Variants in TBC1D12 observed in about 807,000 individuals in gnomAD.
TBC1D12 encodes the protein TBC1 domain family member 12.
A neutral mutation model predicts 86.7 loss-of-function variants in TBC1D12; 56 were observed. That is an observed-to-expected ratio of 0.65 (90% CI 0.52 to 0.81). TBC1D12 has a LOEUF of 0.81. Ranked by LOEUF, TBC1D12 falls within the 30% of genes least tolerant of loss-of-function variation. The pLI, the probability that TBC1D12 is intolerant of heterozygous loss-of-function variation, is 0.00. For missense variants in TBC1D12, 1,023 were observed against 1,038.8 expected, an observed-to-expected ratio of 0.98 and a Z score of 0.21; for synonymous variants, 421 against 411.7, an observed-to-expected ratio of 1.02 and a Z score of -0.27.
At chr10:94,483,147 C>G (rs1319579897) in intron 3 of TBC1D12, among the ~76,000 whole-genome samples, 1 of 146,908 alleles carries the variant, frequency 6.8e-6, no homozygotes, top group Non-Finnish European at 1.5e-5. Context: ...ACCACATTTT[C>G]TTTACCCACT....
At chr10:94,493,333 A>G in intron 3 of TBC1D12, 32 bp from the exon 4 acceptor site, 2 of 1,538,962 alleles carry the variant, frequency 1.3e-6, no homozygotes, top group Non-Finnish European at 1.8e-6. Context: ...TCTTTTAAAA[A>G]TTGTCTTGAC....
chr10:94,464,251 T>C (rs2055773665), intron 2 of TBC1D12, among the ~76,000 whole-genome samples: 1 of 152,214 alleles, frequency 6.6e-6, no homozygotes, highest in Non-Finnish European at 1.5e-5. Flanking sequence ...ATTGATATGA[T>C]CAGATTTAAA....
chr10:94,452,769 G>A (rs1410000179), intron 2 of TBC1D12, among the ~76,000 whole-genome samples: 1 of 152,088 alleles, frequency 6.6e-6, no homozygotes, highest in African/African-American at 2.4e-5. Context: ...TTTTTGTGTG[G>A]TTTTATGTTT....
intron 2 of TBC1D12, among the ~76,000 whole-genome samples, chr10:94,445,987 A>C (rs2055456431): frequency 6.6e-6 from 1 of 151,830 alleles, no homozygotes; most frequent in African/African-American, 2.4e-5. Context: ...GTGATGGAAC[A>C]TGTTTCTACC....
chr10:94,412,521 A>T (rs1314829061), intron 1 of TBC1D12, among the ~76,000 whole-genome samples: 1 of 152,252 alleles, frequency 6.6e-6, no homozygotes, highest in Non-Finnish European at 1.5e-5. Context: ...TCTGAGAAGG[A>T]ACCGAAAGGA....
At chr10:94,433,133 A>C (rs2055241661) in intron 1 of TBC1D12, among the ~76,000 whole-genome samples, 2 of 151,764 alleles carry the variant, frequency 1.3e-5, no homozygotes, top group African/African-American at 4.8e-5. Context: ...TGAACCCGGG[A>C]GGTGGAGGTT....
At position 94,482,456 on chromosome 10, in the gene TBC1D12, G is replaced by GT. The variant is rs796238551; in HGVS notation, c.1211+7684dup. Among the ~76,000 whole-genome samples, 889 of 145,260 alleles carry GT rather than the reference G, an allele frequency of 6.1e-3. 3 individuals carry two copies. Among genetic ancestry groups the GT allele is most frequent in the African/African-American group, 0.015 (600 of 39,976 alleles). ...AAATACTAGGTCTTATTCATTCTGG[G>GT]TTTTTTTTTTTGAGACGGAGTTTTG... On this transcript the variant is annotated intron_variant, in intron 3 of 12. Coordinates refer to ENST00000225235, the MANE Select transcript of TBC1D12 (RefSeq NM_015188.2).
intron 1 of TBC1D12, among the ~76,000 whole-genome samples, chr10:94,419,715 G>C (rs1160374692): frequency 6.6e-6 from 1 of 152,070 alleles, no homozygotes; most frequent in Non-Finnish European, 1.5e-5. Flanking sequence ...AGAATAAACA[G>C]CTTTTGATAG....
intron 1 of TBC1D12, among the ~76,000 whole-genome samples, chr10:94,423,137 C>CA (rs1233350427): frequency 9.0e-6 from 1 of 110,596 alleles, no homozygotes; most frequent in Non-Finnish European, 2.0e-5. Context: ...AAAGATAAAG[C>CA]AAAAAAAGAA....
chr10:94,490,916 C>T (rs906219545), intron 3 of TBC1D12, among the ~76,000 whole-genome samples: 1 of 151,972 alleles, frequency 6.6e-6, no homozygotes, highest in South Asian at 2.1e-4. Context: ...CACACATGCA[C>T]AGATCAGTAC....
intron 11 of TBC1D12, among the ~76,000 whole-genome samples, chr10:94,524,170 C>T (rs996816893): frequency 1.3e-5 from 2 of 152,056 alleles, no homozygotes; most frequent in Non-Finnish European, 2.9e-5. Flanking sequence ...TTACTTCCAC[C>T]GTCTTTAACA....
intron 1 of TBC1D12, among the ~76,000 whole-genome samples, chr10:94,426,510 T>A (rs2055148285): frequency 1.3e-5 from 2 of 152,198 alleles, no homozygotes; most frequent in South Asian, 4.1e-4. Flanking sequence ...ATGAGCCTTG[T>A]ATTCCCAGGA....
chr10:94,447,505 G>A (rs1241609993), intron 2 of TBC1D12: 1 of 556,356 alleles, frequency 1.8e-6, no homozygotes, highest in African/African-American at 2.1e-5. Context: ...TAACAGTAAA[G>A]AAACATAAAA....
At chr10:94,426,670 C>A (rs1178524694) in intron 1 of TBC1D12, among the ~76,000 whole-genome samples, 3 of 152,032 alleles carry the variant, frequency 2.0e-5, no homozygotes, top group African/African-American at 7.2e-5. Flanking sequence ...CTCTGCCTCC[C>A]AGGTTCAAGC....
At chr10:94,433,252 G>C (rs2055244182) in intron 1 of TBC1D12, among the ~76,000 whole-genome samples, 1 of 152,090 alleles carries the variant, frequency 6.6e-6, no homozygotes, top group Non-Finnish European at 1.5e-5. Flanking sequence ...CCGAGGAGCT[G>C]GGATTACAGG....
chr10:94,446,127 T>G (rs2055458666), intron 2 of TBC1D12, among the ~76,000 whole-genome samples: 1 of 152,204 alleles, frequency 6.6e-6, no homozygotes, highest in Admixed American at 6.5e-5. Flanking sequence ...AATGGTAAAT[T>G]TACAATTTTA....
At chr10:94,449,396 G>T (rs1370263150) in intron 2 of TBC1D12, among the ~76,000 whole-genome samples, 2 of 152,134 alleles carry the variant, frequency 1.3e-5, no homozygotes, top group African/African-American at 4.8e-5. Context: ...AATTGAGCTT[G>T]AAATATAGGA....
intron 2 of TBC1D12, among the ~76,000 whole-genome samples, 181 bp from the exon 3 acceptor site, chr10:94,474,487 C>T (rs940952518): frequency 1.3e-5 from 2 of 151,948 alleles, no homozygotes; most frequent in African/African-American, 2.4e-5. Context: ...CCACTGCTCC[C>T]AGCTCCCCTC....
At chr10:94,429,449 T>C (rs2095932205) in intron 1 of TBC1D12, among the ~76,000 whole-genome samples, 2 of 152,184 alleles carry the variant, frequency 1.3e-5, no homozygotes, top group African/African-American at 4.8e-5. Flanking sequence ...TGAAAAATGA[T>C]TGAGGCTTGT....
Sources: gnomAD v4.1 joint callset for allele counts (sites outside exome capture counted in the v4.1 genomes callset) on GRCh38, gnomAD v4.1.1 for gene constraint, MANE v1.5 for transcripts, NCBI Gene and HGNC (gene_info 2026-07-23, HGNC 2026-07-21) for gene names.